The following SPTLC3 variants were observed in gnomAD, a reference collection of about 807,000 sequenced individuals.
The protein encoded by SPTLC3 is serine palmitoyltransferase long chain base subunit 3.
A neutral mutation model predicts 59.3 loss-of-function variants in SPTLC3; 36 were observed. The observed-to-expected ratio is 0.61, with a 90% CI of 0.47 to 0.80. SPTLC3 has a LOEUF of 0.80. Among genes scored for constraint, SPTLC3 ranks in the 30% least tolerant of loss-of-function variants. The probability of loss-of-function intolerance (pLI) is 0.00; values close to 1 mark genes in which losing one functional copy is unlikely to be tolerated. For synonymous variants in SPTLC3, 257 were observed against 240.8 expected, an observed-to-expected ratio of 1.07 and a Z score of -0.62; for missense variants, 625 against 685.1, an observed-to-expected ratio of 0.91 and a Z score of 0.98.
chr20:13,102,439 C>T (rs1446593810), intron 6 of SPTLC3, among the ~76,000 whole-genome samples: 2 of 152,180 alleles, frequency 1.3e-5, no homozygotes, highest in Non-Finnish European at 2.9e-5. Flanking sequence ...GACTTAGATA[C>T]ACAGAGCTAG....
At chr20:13,062,385 T>G (rs1158079591) in intron 2 of SPTLC3, among the ~76,000 whole-genome samples, 1 of 152,228 alleles carries the variant, frequency 6.6e-6, no homozygotes, top group African/African-American at 2.4e-5. Flanking sequence ...AATCAGATCA[T>G]AGTCTCCCAC....
chr20:13,126,619 CG>C lies in SPTLC3; in HGVS notation c.1182del (p.His395IlefsTer9). 6.2e-7 allele frequency: 1 copy of C among 1,613,916 alleles called. No homozygotes were observed. Among genetic ancestry groups the C allele is most frequent in the Non-Finnish European group, 8.5e-7 (1 of 1,179,914 alleles). The part of the protein sequence containing the change: ...KDLVDYLRVH[S>X]HSAVYASSMS... ...CTCGTGGATTATTTACGGGTTCACT[CG>C]CATAGTGCTGTTTATGCTTCATCCA... On this transcript the variant is annotated frameshift_variant, in exon 9 of 12. Transcript: ENST00000399002. LOFTEE classifies it high-confidence loss of function.
chr20:13,090,528 G>GT (rs1233486215), intron 4 of SPTLC3, among the ~76,000 whole-genome samples: 2 of 152,070 alleles, frequency 1.3e-5, no homozygotes, highest in Non-Finnish European at 1.5e-5. Context: ...GAATTGTGGG[G>GT]TTTTTTTGTA....
At chr20:13,164,342 T>G (rs2038955561) in intron 11 of SPTLC3, 1 of 472,032 alleles carries the variant, frequency 2.1e-6, no homozygotes, top group Non-Finnish European at 4.4e-6. Flanking sequence ...AACATTCCTC[T>G]TTGTTCTTGG....
chr20:13,083,195 CA>C (rs1225573056), intron 4 of SPTLC3, among the ~76,000 whole-genome samples: 1 of 152,160 alleles, frequency 6.6e-6, no homozygotes. Context: ...TTGCAGGGTC[CA>C]GGAGTTTATC....
chr20:13,026,979 T>C (rs557982013), intron 1 of SPTLC3, among the ~76,000 whole-genome samples: 1 of 152,158 alleles, frequency 6.6e-6, no homozygotes, highest in African/African-American at 2.4e-5. Context: ...GCCTCATCCT[T>C]CGGGAAAGAT....
Position 13,059,217 on chromosome 20 carries a change from C to T in SPTLC3, c.303+10087C>T, listed in dbSNP as rs59933758. On this transcript the variant is annotated intron_variant, in intron 2 of 11. Transcript: ENST00000399002. ...GCTGTTTTTATGTTTTATTTCAGTG[C>T]CCTAAAATTATCCTAGCCTGTGTGC... is the stretch of plus-strand genomic sequence containing the variant. Among the ~76,000 whole-genome samples the T allele has an allele frequency of 4.5e-3, 680 of 150,390 alleles. 5 individuals carry two copies. Among genetic ancestry groups the T allele is most frequent in the African/African-American group, 0.016 (632 of 40,324 alleles).
In SPTLC3 at chr20:13,093,492, CATTTTA is replaced by C; in HGVS notation, c.743_748del (p.Ile248_Leu249del). ...GCTTGTTTTCTGCACAGGGATGCCT[CATTTTA>C]AGTGATGAGTTAAACCACACATCGC... On this transcript the variant is annotated inframe_deletion, in exon 6 of 12. Transcript: ENST00000399002. 1 of 1,613,328 alleles carries C rather than the reference CATTTTA, an allele frequency of 6.2e-7. No individual in the cohort carries two copies. Among genetic ancestry groups the C allele is most frequent in the Non-Finnish European group, 8.5e-7 (1 of 1,179,424 alleles).
At chr20:13,127,101 C>T (rs192885716) in intron 9 of SPTLC3, among the ~76,000 whole-genome samples, 27 of 152,280 alleles carry the variant, frequency 1.8e-4, no homozygotes, top group Admixed American at 1.3e-3. Context: ...ATTTTTCAAT[C>T]CTTTTATTTT....
chr20:13,128,290 C>T (rs1170308003), intron 9 of SPTLC3, among the ~76,000 whole-genome samples: 2 of 152,200 alleles, frequency 1.3e-5, no homozygotes, highest in African/African-American at 2.4e-5. Context: ...TAGATGTCCT[C>T]TAAGATCCTG....
rs2038978095 is a variant in SPTLC3, at chr20:13,165,876, G to T, written c.*1009G>T. ...CACACTTGTTTAGGCCTATTAAATT[G>T]TACTATCACTTGTTACATGCCCTCT... On this transcript the variant is annotated 3_prime_UTR_variant, in exon 12 of 12. Transcript: ENST00000399002. 1 of 152,152 alleles carries T rather than the reference G, an allele frequency of 6.6e-6. No homozygotes were observed. The highest frequency in any genetic ancestry group is 2.1e-4 in the South Asian group (1 of 4,826). The allele number at this position is 152,152 out of a possible 1,614,324, so 9.4% of individuals were successfully genotyped here.
intron 2 of SPTLC3, among the ~76,000 whole-genome samples, chr20:13,059,015 C>T (rs6514360): frequency 0.35 from 53,299 of 152,000 alleles, 10,197 homozygotes; most frequent in African/African-American, 0.52. Context: ...GACAATGGGG[C>T]TCTGTTCAAG....
At chr20:13,132,166 C>T (rs1166812813) in intron 9 of SPTLC3, among the ~76,000 whole-genome samples, 1 of 142,904 alleles carries the variant, frequency 7.0e-6, no homozygotes, top group Non-Finnish European at 1.5e-5. Context: ...CCTCACCTTG[C>T]TTTAATTTTT....
At chr20:13,143,249 T>C (rs1167095316) in intron 9 of SPTLC3, among the ~76,000 whole-genome samples, 14 of 152,158 alleles carry the variant, frequency 9.2e-5, no homozygotes, top group Admixed American at 9.2e-4. Context: ...GGACCCAGTT[T>C]TAGAGAGCAA....
chr20:13,065,240 T>C (rs1453094211), intron 2 of SPTLC3, among the ~76,000 whole-genome samples: 1 of 150,474 alleles, frequency 6.6e-6, no homozygotes, highest in Non-Finnish European at 1.5e-5. Flanking sequence ...TTAATGCCTT[T>C]CACTGTGATT....
intron 9 of SPTLC3, among the ~76,000 whole-genome samples, chr20:13,145,065 G>A (rs552123835): frequency 4.6e-5 from 7 of 152,110 alleles, no homozygotes; most frequent in South Asian, 2.1e-4. Flanking sequence ...GTGAGCCACC[G>A]CACCTGGCCT....
At chr20:13,020,680 C>T (rs991370213) in intron 1 of SPTLC3, among the ~76,000 whole-genome samples, 9 of 152,100 alleles carry the variant, frequency 5.9e-5, no homozygotes, top group African/African-American at 2.2e-4. Context: ...TTCGCACTCC[C>T]GCACCCCTTA....
chr20:13,044,697 C>T (rs1262249263), intron 1 of SPTLC3, among the ~76,000 whole-genome samples: 1 of 152,036 alleles, frequency 6.6e-6, no homozygotes, highest in African/African-American at 2.4e-5. Context: ...AGCAGGTAAC[C>T]TGCATATACT....
chr20:13,023,124 A>G (rs959934703), intron 1 of SPTLC3, among the ~76,000 whole-genome samples: 3 of 151,224 alleles, frequency 2.0e-5, no homozygotes, highest in East Asian at 1.9e-4. Context: ...CCCTTCTCCT[A>G]CTTGAAGTCT....
Sources: gnomAD v4.1 joint callset for allele counts (sites outside exome capture counted in the v4.1 genomes callset) on GRCh38, gnomAD v4.1.1 for gene constraint, MANE v1.5 for transcripts, NCBI Gene and HGNC (gene_info 2026-07-23, HGNC 2026-07-21) for gene names.